The following ZNF462 variants were observed in gnomAD, a reference collection of about 807,000 sequenced individuals.
ZNF462 encodes the protein zinc finger PBX1-interacting protein.
Under a neutral mutation model 201.9 loss-of-function variants are expected in ZNF462, and 10 were observed. The observed-to-expected ratio is 0.05, with a 90% CI of 0.03 to 0.08. The LOEUF (loss-of-function observed/expected upper bound fraction) is 0.08, where lower values mean the gene tolerates loss of function less well. Among genes scored for constraint, ZNF462 ranks in the 10% least tolerant of loss-of-function variants. ZNF462 has a pLI of 1.00. For synonymous variants in ZNF462, 1,227 were observed against 1,193.3 expected (o/e 1.03, Z -0.58); for missense variants, 2,523 against 3,168.3 (o/e 0.80, Z 4.89).
chr9:106,982,760 A>G (rs547187206), intron 9 of ZNF462, among the ~76,000 whole-genome samples: 1 of 152,288 alleles, frequency 6.6e-6, no homozygotes, highest in East Asian at 1.9e-4. Flanking sequence ...GCTGCCTTCA[A>G]GGACTCCCAA....
chr9:106,916,883 A>G (rs982300202), intron 1 of ZNF462, among the ~76,000 whole-genome samples: 2 of 152,202 alleles, frequency 1.3e-5, no homozygotes, highest in East Asian at 1.9e-4. Flanking sequence ...AGAATTATCC[A>G]GTGAACTGCA....
intron 1 of ZNF462, among the ~76,000 whole-genome samples, chr9:106,871,394 A>G (rs1827584047): frequency 6.6e-6 from 1 of 152,220 alleles, no homozygotes; most frequent in African/African-American, 2.4e-5. Context: ...CTGTAATTTT[A>G]TAGTGGAAAT....
rs1828171061 is a variant in ZNF462, at chr9:106,883,055, C to G, written c.-31+19700C>G. On this transcript the variant is annotated intron_variant, in intron 1 of 12. Transcript: ENST00000277225. This position sits in a 1 kb window ranked among gnomAD's most constrained non-coding sequence, Gnocchi z 4.9. ...CTTTGACTTTAGTTCTTGAACATTT[C>G]AATGGAATGATTTAGATCATTGAAA... 6.6e-6 allele frequency among the ~76,000 whole-genome samples: 1 copy of G among 152,138 alleles called. No homozygotes were observed. The highest frequency in any genetic ancestry group is 2.4e-5 in the African/African-American group (1 of 41,428).
intron 9 of ZNF462, among the ~76,000 whole-genome samples, chr9:106,983,915 AAGCAC>A: frequency 6.6e-6 from 1 of 152,176 alleles, no homozygotes; most frequent in African/African-American, 2.4e-5. Flanking sequence ...AGGAATTAGC[AAGCAC>A]CTACTAGCCC....
chr9:107,009,621 G>A lies in ZNF462; in HGVS notation c.7266G>A (p.Ala2422=), dbSNP rs150056119. 7.2e-5 allele frequency: 114 copies of A among 1,585,030 alleles called. No individual in the cohort carries two copies. The highest frequency in any genetic ancestry group is 1.0e-4 in the Admixed American group (6 of 58,958). The change falls in exon 12 of 13, where the codon GCG becomes GCA. Residue 2422 remains alanine, a synonymous_variant. Transcript: ENST00000277225. This position sits in a 1 kb window ranked among gnomAD's most constrained non-coding sequence, Gnocchi z 6.1. Reference sequence around the variant, plus strand: ...TTCCATGTGAATTTTGTGGACGGGCGTTTTCACAGGGCTCTGAGTGGGAAA... The same window carrying A: ...TTCCATGTGAATTTTGTGGACGGGCATTTTCACAGGGCTCTGAGTGGGAAA... ...KRFPCEFCGR[A]FSQGSEWERH...
At chr9:106,948,322 C>T (rs950067048) in intron 7 of ZNF462, among the ~76,000 whole-genome samples, 2 of 152,264 alleles carry the variant, frequency 1.3e-5, no homozygotes, top group South Asian at 4.2e-4. Flanking sequence ...GGAAGACTAG[C>T]AGCAAGATTC....
chr9:106,878,816 G>A (rs1409693209), intron 1 of ZNF462, among the ~76,000 whole-genome samples: 4 of 152,148 alleles, frequency 2.6e-5, no homozygotes, highest in Non-Finnish European at 4.4e-5. Context: ...GCTGTGGTTC[G>A]TAATCTGGCA....
At chr9:106,973,482 G>A (rs1397001427) in intron 8 of ZNF462, among the ~76,000 whole-genome samples, 1 of 152,220 alleles carries the variant, frequency 6.6e-6, no homozygotes, top group Non-Finnish European at 1.5e-5. Flanking sequence ...AGGGCCGACA[G>A]ACAGGCAGAC....
chr9:106,864,384 G>A (rs1214814744), intron 1 of ZNF462, among the ~76,000 whole-genome samples: 2 of 151,992 alleles, frequency 1.3e-5, no homozygotes, highest in South Asian at 2.1e-4. Flanking sequence ...GGCCTGGGGG[G>A]GCGTCTCACT....
chr9:106,940,475 T>C (rs1248363004), intron 7 of ZNF462, among the ~76,000 whole-genome samples: 1 of 152,330 alleles, frequency 6.6e-6, no homozygotes, highest in African/African-American at 2.4e-5. Context: ...GTAATCTTTA[T>C]TCATGAGGTC....
intron 10 of ZNF462, among the ~76,000 whole-genome samples, chr9:106,990,522 A>AG (rs1174008915): frequency 1.1e-4 from 16 of 152,142 alleles, no homozygotes; most frequent in Admixed American, 8.5e-4. Context: ...GGAGTATTGA[A>AG]GTCCCCCACT....
Position 106,930,471 on chromosome 9 carries a change from C to G in ZNF462, c.5848-54C>G. The G allele has an allele frequency of 6.3e-7, 1 of 1,594,042 alleles. No individual in the cohort carries two copies. The highest frequency in any genetic ancestry group is 8.6e-7 in the Non-Finnish European group (1 of 1,165,998). ...TGTTAGTAAACTGCAAGAATAAATTCTGACAATTGAGGGAGGGCTCGGAGT... is the reference window on the plus strand; with the variant it reads ...TGTTAGTAAACTGCAAGAATAAATTGTGACAATTGAGGGAGGGCTCGGAGT... On this transcript the variant is annotated intron_variant, in intron 3 of 12. Coordinates refer to ENST00000277225, the MANE Select transcript of ZNF462 (RefSeq NM_021224.6). The surrounding 1 kb of genome is among the most constrained non-coding windows in gnomAD (Gnocchi z 5.8).
intron 7 of ZNF462, among the ~76,000 whole-genome samples, chr9:106,941,423 T>A (rs1830864550): frequency 6.6e-6 from 1 of 152,166 alleles, no homozygotes; most frequent in Non-Finnish European, 1.5e-5. Context: ...CACAGAAATA[T>A]GACAAAGTGA....
Position 106,928,404 on chromosome 9 carries a change from G to A in ZNF462, c.4492G>A (p.Val1498Met). ...HYGKKHPGMK[V>M]KAADFAQDID... ...TGGGAAGAAGCACCCTGGCATGAAA[G>A]TGAAGGCTGCTGACTTTGCCCAGGA... The change falls in exon 3 of 13, where the codon GTG becomes ATG. Residue 1498 changes from valine to methionine, a missense_variant. Physicochemically the swap from Val to Met is conservative, Grantham distance 21 (BLOSUM62 1). Transcript: ENST00000277225. The surrounding 1 kb of genome is among the most constrained non-coding windows in gnomAD (Gnocchi z 9.3). 2 of 1,614,158 alleles carry A rather than the reference G, an allele frequency of 1.2e-6. No individual in the cohort carries two copies. Among genetic ancestry groups the A allele is most frequent in the Non-Finnish European group, 1.7e-6 (2 of 1,180,034 alleles).
intron 7 of ZNF462, among the ~76,000 whole-genome samples, chr9:106,939,957 C>G (rs1483829122): frequency 6.6e-6 from 1 of 152,176 alleles, no homozygotes; most frequent in Non-Finnish European, 1.5e-5. Flanking sequence ...TCTTGAATCC[C>G]TTCTGCGGGA....
chr9:106,953,385 G>A (rs1438326442), intron 7 of ZNF462, among the ~76,000 whole-genome samples: 3 of 152,130 alleles, frequency 2.0e-5, no homozygotes, highest in Admixed American at 1.3e-4. Context: ...TAATGAAATA[G>A]CTTTCACAAG....
chr9:106,893,126 G>C (rs1828661310), intron 1 of ZNF462, among the ~76,000 whole-genome samples: 1 of 152,246 alleles, frequency 6.6e-6, no homozygotes, highest in Admixed American at 6.5e-5. Context: ...ATGGCTTTCA[G>C]TATACATTAT....
Position 106,932,097 on chromosome 9 carries a change from T to C in ZNF462, c.6013-349T>C, listed in dbSNP as rs1830448361. 6.6e-6 allele frequency among the ~76,000 whole-genome samples: 1 copy of C among 152,230 alleles called. No individual in the cohort carries two copies. The highest frequency in any genetic ancestry group is 1.9e-4 in the East Asian group (1 of 5,176). On this transcript the variant is annotated intron_variant, in intron 4 of 12. Transcript: ENST00000277225. This position sits in a 1 kb window ranked among gnomAD's most constrained non-coding sequence, Gnocchi z 6.8. ...ACCTCCACTGCATGAAGAATGGCAG[T>C]TGGGCTTGCTCTCCCTCTAGGGGTA...
At chr9:106,915,201 GTTTTTTTTTTTTC>G (rs1189385959) in intron 1 of ZNF462, among the ~76,000 whole-genome samples, 5 of 139,480 alleles carry the variant, frequency 3.6e-5, no homozygotes, top group Non-Finnish European at 6.3e-5. Context: ...ATTTCTGTAT[GTTTTTTTTTTTTC>G]TTTTTTTTTT....
Sources: allele counts gnomAD v4.1 joint callset (sites outside exome capture counted in the v4.1 genomes callset), GRCh38; gene constraint gnomAD v4.1.1; non-coding constraint Gnocchi (gnomAD v3.1); transcripts MANE v1.5; gene names NCBI Gene and HGNC (gene_info 2026-07-23, HGNC 2026-07-21).